TMEM108: variants seen among roughly 807,000 people sequenced by gnomAD.
TMEM108 encodes the protein cancer/testis antigen 124.
In TMEM108, 12 loss-of-function variants were observed where a neutral mutation model predicts 35.1. That is an observed-to-expected ratio of 0.34 (90% CI 0.22 to 0.55). TMEM108 has a LOEUF of 0.55. Ranked by LOEUF, TMEM108 falls within the 20% of genes least tolerant of loss-of-function variation. The pLI is 0.89. For missense variants in TMEM108, 680 were observed against 753.3 expected (o/e 0.90, Z 1.14); for synonymous variants, 287 against 308.6 (o/e 0.93, Z 0.73).
intron 3 of TMEM108, among the ~76,000 whole-genome samples, chr3:133,332,512 A>G (rs1156872896): frequency 6.6e-6 from 1 of 152,244 alleles, no homozygotes; most frequent in East Asian, 1.9e-4. Flanking sequence ...CACAGGGACC[A>G]GAGAGATCCA....
At chr3:133,254,538 G>C (rs1056312274) in intron 3 of TMEM108, among the ~76,000 whole-genome samples, 1 of 152,104 alleles carries the variant, frequency 6.6e-6, no homozygotes, top group South Asian at 2.1e-4. Flanking sequence ...AACGTCAGTC[G>C]AATATGTGAT....
chr3:133,311,444 A>G (rs971042545), intron 3 of TMEM108, among the ~76,000 whole-genome samples: 3 of 152,008 alleles, frequency 2.0e-5, no homozygotes, highest in South Asian at 2.1e-4. Context: ...TTGTCTTCTC[A>G]GTTTATTTCA....
chr3:133,380,017 G>T lies in TMEM108; in HGVS notation c.306G>T (p.Ala102=). 1 of 1,613,812 alleles carries T rather than the reference G, an allele frequency of 6.2e-7. No individual in the cohort carries two copies. The highest frequency in any genetic ancestry group is 8.5e-7 in the Non-Finnish European group (1 of 1,179,956). ...CGCACACCATCTCCACCATCGCTGC[G>T]ACAGTAACCGCCCCCCATTCTGAAA... The part of the protein sequence containing the change: ...PPTHTISTIA[A]TVTAPHSESS... The change falls in exon 4 of 6, where the codon GCG becomes GCT. Residue 102 remains alanine, a synonymous_variant. Transcript: ENST00000321871. This position sits in a 1 kb window ranked among gnomAD's most constrained non-coding sequence, Gnocchi z 5.3.
At chr3:133,307,733 A>G (rs1278378443) in intron 3 of TMEM108, among the ~76,000 whole-genome samples, 1 of 152,022 alleles carries the variant, frequency 6.6e-6, no homozygotes, top group Non-Finnish European at 1.5e-5. Context: ...CGGTCTGTAT[A>G]TCTGTTTTGG....
At chr3:133,122,573 T>C (rs7636123) in intron 2 of TMEM108, among the ~76,000 whole-genome samples, 97,001 of 151,994 alleles carry the variant, frequency 0.64, 31,483 homozygotes, top group African/African-American at 0.75. Context: ...TTTTAAAAAT[T>C]GGTCAACATT....
At chr3:133,345,200 T>C (rs1387987600) in intron 3 of TMEM108, among the ~76,000 whole-genome samples, 1 of 151,818 alleles carries the variant, frequency 6.6e-6, no homozygotes, top group Non-Finnish European at 1.5e-5. Flanking sequence ...GAAACAGTTT[T>C]GTCAAATTAT....
chr3:133,378,645 A>G (rs1235583154), intron 3 of TMEM108: 10 of 595,132 alleles, frequency 1.7e-5, no homozygotes, highest in Non-Finnish European at 2.1e-5. Flanking sequence ...CGGCTCCTAC[A>G]TGTCATGCTT....
At chr3:133,179,831 G>T (rs937925865) in intron 2 of TMEM108, among the ~76,000 whole-genome samples, 1 of 150,234 alleles carries the variant, frequency 6.7e-6, no homozygotes, top group African/African-American at 2.4e-5. Context: ...AAATAAAATG[G>T]CCCTTCTTAG....
chr3:133,387,997 G>C (rs1173324940), intron 4 of TMEM108: 2 of 985,334 alleles, frequency 2.0e-6, no homozygotes, highest in African/African-American at 3.5e-5. Flanking sequence ...TCCCCTGCCA[G>C]CCTGTGTTCT....
chr3:133,237,504 T>C (rs375154542), intron 3 of TMEM108, among the ~76,000 whole-genome samples: 4 of 152,298 alleles, frequency 2.6e-5, no homozygotes, highest in East Asian at 1.9e-4. Context: ...GCTTGTCATC[T>C]GATAATCTTT....
chr3:133,295,894 G>T (rs1947138179), intron 3 of TMEM108, among the ~76,000 whole-genome samples: 2 of 152,162 alleles, frequency 1.3e-5, no homozygotes, highest in Admixed American at 6.5e-5. Context: ...GTTCACCAAG[G>T]CCCCCTGAAT....
At chr3:133,127,636 C>A (rs1239785475) in intron 2 of TMEM108, among the ~76,000 whole-genome samples, 2 of 152,186 alleles carry the variant, frequency 1.3e-5, no homozygotes, top group Non-Finnish European at 2.9e-5. Flanking sequence ...TGACAGTCTG[C>A]CTCCCTCAGG....
intron 2 of TMEM108, among the ~76,000 whole-genome samples, chr3:133,086,144 G>A (rs1239475794): frequency 6.6e-6 from 1 of 152,158 alleles, no homozygotes; most frequent in Non-Finnish European, 1.5e-5. Context: ...CCAAATGTTA[G>A]CTGTCCTTTG....
At chr3:133,120,380 G>C (rs11712870) in intron 2 of TMEM108, among the ~76,000 whole-genome samples, 41,398 of 152,102 alleles carry the variant, frequency 0.27, 6,083 homozygotes, top group Admixed American at 0.39. Context: ...CAGAGGAAGT[G>C]TGTGTGCCTC....
At chr3:133,267,195 A>G (rs1373769458) in intron 3 of TMEM108, among the ~76,000 whole-genome samples, 3 of 152,172 alleles carry the variant, frequency 2.0e-5, no homozygotes, top group Admixed American at 2.0e-4. Context: ...AGTGCCTACT[A>G]TGTACCAGGT....
chr3:133,042,736 A>T (rs946809996), intron 1 of TMEM108, among the ~76,000 whole-genome samples: 7 of 152,236 alleles, frequency 4.6e-5, no homozygotes, highest in African/African-American at 1.4e-4. Context: ...AGCTCAGTTC[A>T]GAGTTGAGTT....
At chr3:133,213,618 A>G (rs1945864824) in intron 2 of TMEM108, among the ~76,000 whole-genome samples, 2 of 152,232 alleles carry the variant, frequency 1.3e-5, no homozygotes, top group Non-Finnish European at 2.9e-5. Flanking sequence ...GTGTTTCTGA[A>G]CAAAATAAAA....
intron 2 of TMEM108, among the ~76,000 whole-genome samples, chr3:133,103,486 A>G (rs1426490169): frequency 1.3e-5 from 2 of 152,126 alleles, no homozygotes; most frequent in African/African-American, 4.8e-5. Flanking sequence ...AATGAGTACT[A>G]GGCTTAATAC....
At position 133,297,740 on chromosome 3, in the gene TMEM108, T is replaced by C. The variant is rs994660722; in HGVS notation, c.40+68389T>C. ...AACTGTAAGAAGAGAGCAAAAGGAG[T>C]GGTGGGGACCACATGAACACAGAGG... is the stretch of plus-strand genomic sequence containing the variant. On this transcript the variant is annotated intron_variant, in intron 3 of 5. Transcript: ENST00000321871. 3.9e-5 allele frequency among the ~76,000 whole-genome samples: 6 copies of C among 152,066 alleles called. 1 individual carries two copies. Among genetic ancestry groups the C allele is most frequent in the African/African-American group, 1.2e-4 (5 of 41,366 alleles).
Sources: gnomAD v4.1 joint callset for allele counts (sites outside exome capture counted in the v4.1 genomes callset) on GRCh38, gnomAD v4.1.1 for gene constraint, Gnocchi (gnomAD v3.1) non-coding constraint, MANE v1.5 for transcripts, NCBI Gene and HGNC (gene_info 2026-07-23, HGNC 2026-07-21) for gene names.